Variants in ANPEP observed in about 807,000 individuals in gnomAD.
ANPEP encodes the protein alanyl aminopeptidase, membrane, also known as aminopeptidase N.
Under a neutral mutation model 114.6 loss-of-function variants are expected in ANPEP, and 70 were observed. The observed-to-expected ratio is 0.61, with a 90% CI of 0.50 to 0.75. The LOEUF is 0.75. ANPEP is among the 30% of genes least tolerant of loss of function. The pLI, the probability that ANPEP is intolerant of heterozygous loss-of-function variation, is 0.00. For missense variants in ANPEP, 1,184 were observed against 1,259.5 expected (o/e 0.94, Z 0.91); for synonymous variants, 548 against 522.3 (o/e 1.05, Z -0.67).
Position 89,803,221 on chromosome 15 carries a change from G to A in ANPEP, c.1569+18C>T. ...AGACCCCAACAGGATGGCTGTGGAGGGGCTGGCTGCTACTGACCTCCTGCA... is the reference window on the plus strand; with the variant it reads ...AGACCCCAACAGGATGGCTGTGGAGAGGCTGGCTGCTACTGACCTCCTGCA... On this transcript the variant is annotated intron_variant, in intron 10 of 20. Coordinates refer to ENST00000300060, the MANE Select transcript of ANPEP (RefSeq NM_001150.3). The surrounding 1 kb of genome is among the most constrained non-coding windows in gnomAD (Gnocchi z 4.2). The A allele has an allele frequency of 6.2e-7, 1 of 1,612,628 alleles. No individual in the cohort carries two copies. The highest frequency in any genetic ancestry group is 1.1e-5 in the South Asian group (1 of 91,050).
At position 89,785,411 on chromosome 15, in the gene ANPEP, T is replaced by C. The variant is rs1256836843; in HGVS notation, c.2842A>G (p.Ile948Val). 1 of 1,614,212 alleles carries C rather than the reference T, an allele frequency of 6.2e-7. No homozygotes were observed. Among genetic ancestry groups the C allele is most frequent in the Non-Finnish European group, 8.5e-7 (1 of 1,180,018 alleles). The change falls in exon 21 of 21, where the codon ATC becomes GTC. Residue 948 changes from isoleucine to valine, a missense_variant. Physicochemically the swap from Ile to Val is conservative, Grantham distance 29. Coordinates refer to ENST00000300060, the MANE Select transcript of ANPEP (RefSeq NM_001150.3). ...EQALEKTKAN[I>V]KWVKENKEVV... ...TCCTTGTTCTCCTTCACCCACTTGA[T>C]GTTGGCTTTCGTCTTCTCCAGGGCT...
At chr15:89,785,740 G>T (rs754168587) in intron 20 of ANPEP, among the ~76,000 whole-genome samples, 1 of 152,194 alleles carries the variant, frequency 6.6e-6, no homozygotes, top group Non-Finnish European at 1.5e-5. Context: ...GCCTTCAGGT[G>T]TAATATTTTA....
At position 89,799,168 on chromosome 15, in the gene ANPEP, A is replaced by G; in HGVS notation, c.2009+92T>C. 6.8e-7 allele frequency: 1 copy of G among 1,462,392 alleles called. No individual in the cohort carries two copies. The allele number at this position is 1,462,392 out of a possible 1,614,324, so 90.6% of individuals were successfully genotyped here. ...AGGGCACAGCACGTGGCATATGGGA[A>G]GGGCAGCAGGAGGAGCAGGGGCCCT... On this transcript the variant is annotated intron_variant, in intron 14 of 20. Transcript: ENST00000300060. The surrounding 1 kb of genome is among the most constrained non-coding windows in gnomAD (Gnocchi z 4.2).
chr15:89,807,747 T>C (rs896932595), intron 1 of ANPEP, among the ~76,000 whole-genome samples: 5 of 152,280 alleles, frequency 3.3e-5, no homozygotes, highest in South Asian at 4.1e-4. Context: ...AGCTCAACAA[T>C]TGCCTCTTTC....
At chr15:89,791,803 G>A (rs1968632988) in intron 18 of ANPEP, among the ~76,000 whole-genome samples, 1 of 152,032 alleles carries the variant, frequency 6.6e-6, no homozygotes, top group South Asian at 2.1e-4. Context: ...TGAGGCACAT[G>A]GTGGGAGGTG....
In ANPEP at chr15:89,806,009, C is replaced by A; in HGVS notation, c.575G>T (p.Gly192Val). The A allele has an allele frequency of 6.2e-7, 1 of 1,607,232 alleles. No homozygotes were observed. The highest frequency in any genetic ancestry group is 8.5e-7 in the Non-Finnish European group (1 of 1,175,032). ...CTCCATGTACTCGCTGCGGTAGAAG[C>A]CCGCCAGGTCATCTGCCAACTCCCC... ...FEGELADDLA[G>V]FYRSEYMEGN... The change falls in exon 2 of 21, where the codon GGC becomes GTC. Residue 192 changes from glycine (G) to valine (V), a missense_variant. Physicochemically the swap from Gly to Val is moderately radical, Grantham distance 109. Coordinates refer to ENST00000300060, the MANE Select transcript of ANPEP (RefSeq NM_001150.3). This position sits in a 1 kb window ranked among gnomAD's most constrained non-coding sequence, Gnocchi z 5.7.
rs753161909 is a variant in ANPEP at position 89,790,489 on chromosome 15, G to C, written c.2722C>G (p.Arg908Gly). The C allele has an allele frequency of 3.7e-6, 6 of 1,613,968 alleles. No individual in the cohort carries two copies. The highest frequency in any genetic ancestry group is 4.2e-6 in the Non-Finnish European group (5 of 1,179,918). ...TGCAGCTCATACTCGGTGGAGAATC[G>C]TCGTGTCACTGCCTGGATGAGGTTG... ...FSNLIQAVTR[R>G]FSTEYELQQL... Residue 908 changes from arginine to glycine, a missense_variant, in exon 20 of 21, where the codon CGA (arginine) becomes GGA (glycine). Transcript: ENST00000300060.
At chr15:89,802,059 T>C (rs1894604990) in intron 10 of ANPEP, among the ~76,000 whole-genome samples, 1 of 152,176 alleles carries the variant, frequency 6.6e-6, no homozygotes, top group African/African-American at 2.4e-5. Flanking sequence ...GGGGCACTGT[T>C]GTTGTCTTCT....
chr15:89,808,852 T>C (rs919461287), intron 1 of ANPEP, among the ~76,000 whole-genome samples: 2 of 152,218 alleles, frequency 1.3e-5, no homozygotes, highest in African/African-American at 4.8e-5. Flanking sequence ...ATTAGTTCAA[T>C]CAGGCATAAG....
At chr15:89,785,633 T>C (rs1357845048) in intron 20 of ANPEP, 132 bp from the exon 21 acceptor site, 30 of 1,310,046 alleles carry the variant, frequency 2.3e-5, no homozygotes, top group Non-Finnish European at 3.0e-5. Flanking sequence ...GTTCCAGGGA[T>C]AGGCAGGACG....
chr15:89,805,174 A>G lies in ANPEP; in HGVS notation c.801T>C (p.Thr267=), dbSNP rs780480271. 1.2e-6 allele frequency: 2 copies of G among 1,614,208 alleles called. No individual in the cohort carries two copies. The highest frequency in any genetic ancestry group is 1.7e-5 in the Admixed American group (1 of 60,032). Residue 267 remains threonine (T), a synonymous_variant, in exon 4 of 21, where the codon ACT becomes ACC. Transcript: ENST00000300060. ...ACATCTTGGGCGTGGTGTGGAACTC[A>G]GTGACATTCCAGTTGGGGTCTTCTG... The part of the protein sequence containing the change: ...PLPEDPNWNV[T]EFHTTPKMST...
chr15:89,803,767 A>G lies in ANPEP; in HGVS notation c.1317T>C (p.Asp439=). The G allele has an allele frequency of 6.2e-7, 1 of 1,609,220 alleles. No homozygotes were observed. Among genetic ancestry groups the G allele is most frequent in the South Asian group, 1.1e-5 (1 of 90,734 alleles). The change falls in exon 8 of 21, where the codon GAT becomes GAC. Residue 439 remains aspartate, a synonymous_variant. Coordinates refer to ENST00000300060, the MANE Select transcript of ANPEP (RefSeq NM_001150.3). This position sits in a 1 kb window ranked among gnomAD's most constrained non-coding sequence, Gnocchi z 4.2. ...WNLKDLMVLN[D]VYRVMAVDAL... ...CATCCACTGCCATCACGCGGTACAC[A>G]TCATTCAGCACCATGAGGTCTTTCT...
intron 20 of ANPEP, among the ~76,000 whole-genome samples, chr15:89,789,271 C>G (rs570515789): frequency 6.6e-6 from 1 of 152,088 alleles, no homozygotes; most frequent in Admixed American, 6.6e-5. Context: ...TGAGCCACCA[C>G]GCCCAGCAAA....
rs536258742 is a variant in ANPEP, at chr15:89,809,655, G to A, written c.-223-2849C>T. ...GGCCTGGCCACCTCCACACCCCATC[G>A]GGCAGTGGCGGCTATGCTACCCTCC... is the stretch of plus-strand genomic sequence containing the variant. On this transcript the variant is annotated intron_variant, in intron 1 of 20. Coordinates refer to ENST00000300060, the MANE Select transcript of ANPEP (RefSeq NM_001150.3). 3.3e-4 allele frequency among the ~76,000 whole-genome samples: 50 copies of A among 152,302 alleles called. 2 individuals carry two copies. The East Asian group carries it at 9.5e-3, about 29-fold the overall frequency.
At chr15:89,804,888 A>G (rs780399204) in intron 4 of ANPEP, 190 bp downstream of exon 4, 12 of 911,472 alleles carry the variant, frequency 1.3e-5, no homozygotes, top group Non-Finnish European at 2.0e-5. Flanking sequence ...CATGAAGAGA[A>G]ACCATTGTTT....
chr15:89,804,056 TC>T, intron 6 of ANPEP, 54 bp from the exon 7 acceptor site: 1 of 1,591,878 alleles, frequency 6.3e-7, no homozygotes. Context: ...GCACTGAGAA[TC>T]CCCAGAACTA....
rs17240212 is a variant in ANPEP, at chr15:89,801,122, A to G, written c.1808T>C (p.Ile603Thr). Residue 603 changes from isoleucine (I) to threonine (T), a missense_variant, in exon 12 of 21, where the codon ATA becomes ACA. Ile to Thr is a moderately conservative substitution (Grantham distance 89). Transcript: ENST00000300060. ...DGRQQQDYWL[I>T]DVRAQNDLFS... Reference sequence around the variant, plus strand: ...CAGGGCTGGATTACCTCTTACATCTATCAGCCAGTAGTCCTGCTGCTGTCT... The same window carrying G: ...CAGGGCTGGATTACCTCTTACATCTGTCAGCCAGTAGTCCTGCTGCTGTCT... The G allele has an allele frequency of 1.9e-6, 3 of 1,614,110 alleles. No individual in the cohort carries two copies. Among genetic ancestry groups the G allele is most frequent in the Non-Finnish European group, 2.5e-6 (3 of 1,180,000 alleles).
intron 11 of ANPEP, 120 bp from the exon 12 acceptor site, chr15:89,801,307 C>A: frequency 6.5e-7 from 1 of 1,542,008 alleles, no homozygotes; most frequent in Non-Finnish European, 8.9e-7. Flanking sequence ...GAACTCCTGG[C>A]TCTGGAGGGA....
At chr15:89,791,639 G>T (rs185480335) in intron 18 of ANPEP, among the ~76,000 whole-genome samples, 1 of 147,710 alleles carries the variant, frequency 6.8e-6, no homozygotes, top group African/African-American at 2.5e-5. Context: ...TTTTAGTAGA[G>T]ACGGGGTTTC....
Sources: allele counts gnomAD v4.1 joint callset (sites outside exome capture counted in the v4.1 genomes callset), GRCh38; gene constraint gnomAD v4.1.1; non-coding constraint Gnocchi (gnomAD v3.1); transcripts MANE v1.5; gene names NCBI Gene and HGNC (gene_info 2026-07-23, HGNC 2026-07-21).